Variants in MAP7 observed in about 807,000 individuals in gnomAD.
The protein encoded by MAP7 is ensconsin.
In MAP7, 52 loss-of-function variants were observed where a neutral mutation model predicts 94.8. The ratio of observed to expected loss-of-function variants is 0.55; its 90% CI spans 0.44 to 0.69. The LOEUF is 0.69. Ranked by LOEUF, MAP7 falls within the 30% of genes least tolerant of loss-of-function variation. MAP7 has a pLI of 0.00. For missense variants in MAP7, 940 were observed against 964.6 expected (o/e 0.97, Z 0.34); for synonymous variants, 350 against 357.0 (o/e 0.98, Z 0.22).
chr6:136,453,693 ATAATT>A (rs1274244611), intron 1 of MAP7, among the ~76,000 whole-genome samples: 1 of 152,220 alleles, frequency 6.6e-6, no homozygotes, highest in Non-Finnish European at 1.5e-5. Context: ...ACAAATTTTG[ATAATT>A]TAATTTGGTT....
chr6:136,362,326 GT>G (rs1793061081), intron 11 of MAP7, 123 bp downstream of exon 11: 2 of 1,267,852 alleles, frequency 1.6e-6, no homozygotes, highest in Non-Finnish European at 1.1e-6. Context: ...TTAGGTAAGA[GT>G]AATCCTGAAA....
At chr6:136,387,616 T>G (rs1314347724) in intron 5 of MAP7, among the ~76,000 whole-genome samples, 1 of 152,166 alleles carries the variant, frequency 6.6e-6, no homozygotes, top group East Asian at 1.9e-4. Context: ...GGGATGTCTG[T>G]ACCAGCTTTT....
chr6:136,471,132 A>G (rs1470533830), intron 1 of MAP7, among the ~76,000 whole-genome samples: 1 of 152,232 alleles, frequency 6.6e-6, no homozygotes, highest in African/African-American at 2.4e-5. Context: ...TTCATTTTAT[A>G]AAGAAGTTTG....
chr6:136,430,112 G>A (rs1271614904), intron 1 of MAP7, among the ~76,000 whole-genome samples: 2 of 152,170 alleles, frequency 1.3e-5, no homozygotes, highest in African/African-American at 2.4e-5. Flanking sequence ...CGCTGGAAAC[G>A]GAGTTTATCA....
chr6:136,346,133 C>T, intron 16 of MAP7, 54 bp from the exon 17 acceptor site: 2 of 1,135,258 alleles, frequency 1.8e-6, no homozygotes, highest in Non-Finnish European at 2.5e-6. Context: ...AACTGGAAAA[C>T]ACATTATTAG....
At chr6:136,399,651 G>C (rs1209481850) in intron 3 of MAP7, among the ~76,000 whole-genome samples, 4 of 152,124 alleles carry the variant, frequency 2.6e-5, no homozygotes, top group Admixed American at 6.5e-5. Context: ...ACTGTGCCTG[G>C]TCCAGTTTCC....
chr6:136,344,147 G>T lies in MAP7; in HGVS notation c.*81C>A. The stretch of plus-strand genomic sequence containing the variant: ...ACTCTAGAAAACGGGTGGAGGGGAT[G>T]CTCCTTTATAGCAGGAAAGGAATTC... On this transcript the variant is annotated 3_prime_UTR_variant, in exon 18 of 18. Transcript: ENST00000354570. 4.7e-6 allele frequency: 3 copies of T among 637,084 alleles called. No homozygotes were observed. The highest frequency in any genetic ancestry group is 7.2e-6 in the Non-Finnish European group (3 of 415,144). The allele number at this position is 637,084 out of a possible 1,614,324, so 39.5% of individuals were successfully genotyped here. A position where few individuals can be genotyped will look rare whatever the true frequency, so the allele number is the denominator to read the frequency against.
chr6:136,464,401 G>A (rs1472734553), intron 1 of MAP7, among the ~76,000 whole-genome samples: 1 of 152,172 alleles, frequency 6.6e-6, no homozygotes, highest in Non-Finnish European at 1.5e-5. Context: ...GAGAGAGAGC[G>A]AGACCACATT....
At chr6:136,369,923 C>T (rs1369287448) in intron 8 of MAP7, among the ~76,000 whole-genome samples, 1 of 152,050 alleles carries the variant, frequency 6.6e-6, no homozygotes, top group Non-Finnish European at 1.5e-5. Context: ...TAACAATAAA[C>T]AAATGGGACA....
At chr6:136,425,172 C>T (rs559032887) in intron 1 of MAP7, among the ~76,000 whole-genome samples, 1 of 152,348 alleles carries the variant, frequency 6.6e-6, no homozygotes, top group African/African-American at 2.4e-5. Context: ...CACAAGATTT[C>T]ATCACACTAC....
chr6:136,539,477 G>T (rs1039368463), intron 1 of MAP7, among the ~76,000 whole-genome samples: 1 of 152,162 alleles, frequency 6.6e-6, no homozygotes, highest in African/African-American at 2.4e-5. Flanking sequence ...AGAAATCAAA[G>T]ATACTCTTAT....
intron 2 of MAP7, chr6:136,419,820 T>C (rs904136780): frequency 9.1e-6 from 3 of 330,086 alleles, no homozygotes; most frequent in Non-Finnish European, 1.7e-5. Flanking sequence ...CCCTGGACAA[T>C]TTTTGATCCT....
rs768102543 is a variant in MAP7 at position 136,365,977 on chromosome 6, C to G, written c.1031G>C (p.Arg344Thr). 74 of 1,612,920 alleles carry G rather than the reference C, an allele frequency of 4.6e-5. No individual in the cohort carries two copies. The Middle Eastern group carries it at 3.2e-3, about 70-fold the overall frequency. ...KSLPHLPGTPRPTSSLPPGSV... is the reference protein window; with the variant it reads ...KSLPHLPGTPTPTSSLPPGSV... ...GCCGGGTGGCAAGGAGGATGTCGGT[C>G]TGGGTGTGCCAGGCAAATGAGGAAG... Residue 344 changes from arginine (R) to threonine (T), a missense_variant, in exon 10 of 18, where the codon AGA (arginine) becomes ACA (threonine). Transcript: ENST00000354570.
intron 1 of MAP7, among the ~76,000 whole-genome samples, chr6:136,499,981 G>C (rs1819389025): frequency 6.6e-6 from 1 of 152,120 alleles, no homozygotes; most frequent in Non-Finnish European, 1.5e-5. Context: ...GGGTGACAGA[G>C]AGAGACCCTT....
chr6:136,342,869 C>T lies in MAP7; in HGVS notation c.*1359G>A, dbSNP rs1786826119. Reference sequence around the variant, plus strand: ...GACAACTGAAAACAGGGAAAACCCCCAAATTAATGTTTTCACAAATTACAA... The same window carrying T: ...GACAACTGAAAACAGGGAAAACCCCTAAATTAATGTTTTCACAAATTACAA... On this transcript the variant is annotated 3_prime_UTR_variant, in exon 18 of 18. Transcript: ENST00000354570. 6.6e-6 allele frequency: 1 copy of T among 152,116 alleles called. No individual in the cohort carries two copies. Among genetic ancestry groups the T allele is most frequent in the Non-Finnish European group, 1.5e-5 (1 of 68,022 alleles). 9.4% of individuals were successfully genotyped at this position (152,116 alleles called of 1,614,324 possible).
At chr6:136,501,025 C>T (rs765481789) in intron 1 of MAP7, among the ~76,000 whole-genome samples, 2 of 152,126 alleles carry the variant, frequency 1.3e-5, no homozygotes, top group Non-Finnish European at 2.9e-5. Flanking sequence ...ACCCTCATTG[C>T]AATGTAAATT....
At chr6:136,515,901 C>A (rs1824668285) in intron 1 of MAP7, among the ~76,000 whole-genome samples, 2 of 152,060 alleles carry the variant, frequency 1.3e-5, no homozygotes, top group African/African-American at 2.4e-5. Context: ...TATAGGGTTG[C>A]CACAAACCTT....
In MAP7 at chr6:136,371,517, T is replaced by C. The variant is rs566904100; in HGVS notation, c.876+984A>G. Among the ~76,000 whole-genome samples, 10 of 152,358 alleles carry C rather than the reference T, an allele frequency of 6.6e-5. No homozygotes were observed. In the East Asian group the frequency reaches 1.2e-3, roughly 18 times the overall value. On this transcript the variant is annotated intron_variant, in intron 8 of 17. Coordinates refer to ENST00000354570, the MANE Select transcript of MAP7 (RefSeq NM_003980.6). ...TGGAGCTTGAAAGAAAAACAGGCTGTAGGCAAAGCCATCAAGCTCTCACAA... is the reference window on the plus strand; with the variant it reads ...TGGAGCTTGAAAGAAAAACAGGCTGCAGGCAAAGCCATCAAGCTCTCACAA...
chr6:136,514,337 C>A (rs963722355), intron 1 of MAP7, among the ~76,000 whole-genome samples: 1 of 151,570 alleles, frequency 6.6e-6, no homozygotes, highest in Non-Finnish European at 1.5e-5. Context: ...GTAATCCCAG[C>A]ACGTTGGGAG....
Sources: gnomAD v4.1 joint callset for allele counts (sites outside exome capture counted in the v4.1 genomes callset) on GRCh38, gnomAD v4.1.1 for gene constraint, MANE v1.5 for transcripts, NCBI Gene and HGNC (gene_info 2026-07-23, HGNC 2026-07-21) for gene names.